WDR59: variants seen among roughly 807,000 people sequenced by gnomAD.
The protein encoded by WDR59 is GATOR2 complex protein WDR59.
Under a neutral mutation model 131.2 loss-of-function variants are expected in WDR59, and 100 were observed. The ratio of observed to expected loss-of-function variants is 0.76; its 90% confidence interval spans 0.65 to 0.90. The LOEUF (loss-of-function observed/expected upper bound fraction) is 0.90, where lower values mean the gene tolerates loss of function less well. Ranked by LOEUF, WDR59 falls within the 40% of genes least tolerant of loss-of-function variation. The probability of loss-of-function intolerance (pLI) is 0.00; values close to 1 mark genes in which losing one functional copy is unlikely to be tolerated. For missense variants in WDR59, 1,203 were observed against 1,262.2 expected, an observed-to-expected ratio of 0.95 and a Z score of 0.71; for synonymous variants, 601 against 466.2, an observed-to-expected ratio of 1.29 and a Z score of -3.72.
chr16:74,916,534 G>A (rs1966395479), intron 11 of WDR59, among the ~76,000 whole-genome samples: 1 of 152,160 alleles, frequency 6.6e-6, no homozygotes, highest in Non-Finnish European at 1.5e-5. Context: ...TCCAAGCTTT[G>A]ATGGAGTTAT....
chr16:74,872,220 G>A lies in WDR59; in HGVS notation c.*1989C>T, dbSNP rs975309879. 2.6e-5 allele frequency: 4 copies of A among 152,136 alleles called. No homozygotes were observed. Among genetic ancestry groups the A allele is most frequent in the South Asian group, 2.1e-4 (1 of 4,822 alleles). The allele number at this position is 152,136 out of a possible 1,614,324, so 9.4% of individuals were successfully genotyped here. On this transcript the variant is annotated 3_prime_UTR_variant, in exon 26 of 26. Coordinates refer to ENST00000262144, the MANE Select transcript of WDR59 (RefSeq NM_030581.4). The stretch of plus-strand genomic sequence containing the variant: ...GATCAATGTCACAATCCACTAATGG[G>A]TCCTGACCTGGAGTTTGAAACACAT...
At chr16:74,951,647 G>C in intron 3 of WDR59, 104 bp from the exon 4 acceptor site, 1 of 943,788 alleles carries the variant, frequency 1.1e-6, no homozygotes, top group Non-Finnish European at 1.7e-6. Flanking sequence ...CTCATGCATG[G>C]CAAAGATCCT....
chr16:74,911,550 G>A (rs1050461450), intron 14 of WDR59, among the ~76,000 whole-genome samples: 4 of 152,150 alleles, frequency 2.6e-5, no homozygotes, highest in African/African-American at 9.7e-5. Context: ...GATTTGCTCT[G>A]GATGAACTGA....
rs192979849 is a variant in WDR59, at chr16:74,925,574, G to C, written c.652-1571C>G. On this transcript the variant is annotated intron_variant, in intron 8 of 25. Transcript: ENST00000262144. ...AAAAAAAAAAAAGCATTCTCAGAAA[G>C]ACCAAATTATAGTGATGGGGAACAG... 3.1e-3 allele frequency among the ~76,000 whole-genome samples: 456 copies of C among 145,534 alleles called. 7 individuals are homozygous for C. Among genetic ancestry groups the C allele is most frequent in the Admixed American group, 0.03 (433 of 14,408 alleles).
At chr16:74,889,020 A>T (rs1964911649) in intron 21 of WDR59, among the ~76,000 whole-genome samples, 1 of 152,232 alleles carries the variant, frequency 6.6e-6, no homozygotes, top group Non-Finnish European at 1.5e-5. Flanking sequence ...TGAGTCTTAC[A>T]CGAAATAAGT....
rs1964644428 is a variant in WDR59, at chr16:74,884,126, AC to A, written c.2689+1526del. On this transcript the variant is annotated intron_variant, in intron 25 of 25. Coordinates refer to ENST00000262144, the MANE Select transcript of WDR59 (RefSeq NM_030581.4). ...GAGTCTAGCTCTAAAATATATTTTA[AC>A]CCATCCATCATCTCTCTCCAACTCT... 4.6e-5 allele frequency among the ~76,000 whole-genome samples: 7 copies of A among 152,276 alleles called. No homozygotes were observed. The South Asian group carries it at 1.4e-3, about 32-fold the overall frequency.
At chr16:74,947,174 C>T (rs1218703908) in intron 6 of WDR59, among the ~76,000 whole-genome samples, 7 of 152,108 alleles carry the variant, frequency 4.6e-5, no homozygotes, top group Admixed American at 4.6e-4. Flanking sequence ...ATGGGCCAGT[C>T]GCGATGGCTC....
At chr16:74,945,341 G>A (rs1008496556) in intron 6 of WDR59, among the ~76,000 whole-genome samples, 15 of 151,702 alleles carry the variant, frequency 9.9e-5, no homozygotes, top group Admixed American at 9.2e-4. Context: ...GCCGGGCATG[G>A]TGGCGGGCGC....
rs1164121829 is a variant in WDR59, at chr16:74,874,202, T to C, written c.*7A>G. 1.9e-6 allele frequency: 3 copies of C among 1,611,586 alleles called. No individual in the cohort carries two copies. The highest frequency in any genetic ancestry group is 1.7e-6 in the Non-Finnish European group (2 of 1,178,334). On this transcript the variant is annotated 3_prime_UTR_variant, in exon 26 of 26. Transcript: ENST00000262144. ...GGGATTTCAGACAATACCCAACTTC[T>C]GTAGGTTCAGAAAGTGCTTTCAAGC... is the stretch of plus-strand genomic sequence containing the variant.
At chr16:74,893,623 G>A in intron 19 of WDR59, 56 bp downstream of exon 19, 2 of 1,483,504 alleles carry the variant, frequency 1.3e-6, no homozygotes, top group South Asian at 1.4e-5. Flanking sequence ...AAAAAAAAAA[G>A]TTTTGCTAAT....
At chr16:74,967,745 GCTA>G (rs2033830546) in intron 1 of WDR59, among the ~76,000 whole-genome samples, 1 of 151,718 alleles carries the variant, frequency 6.6e-6, no homozygotes, top group Admixed American at 6.6e-5. Flanking sequence ...TGTAATCCCA[GCTA>G]CTCAGGAGGC....
At chr16:74,969,682 G>C (rs886223927) in intron 1 of WDR59, among the ~76,000 whole-genome samples, 1 of 151,690 alleles carries the variant, frequency 6.6e-6, no homozygotes, top group African/African-American at 2.4e-5. Flanking sequence ...TGATTCTCCT[G>C]CCTCAGCCTC....
intron 2 of WDR59, among the ~76,000 whole-genome samples, chr16:74,960,876 C>T (rs969048459): frequency 3.3e-5 from 5 of 151,554 alleles, no homozygotes; most frequent in Non-Finnish European, 5.9e-5. Context: ...ATTTGAAGGA[C>T]CTTCCAAGGT....
At chr16:74,875,536 T>C (rs1487605201) in intron 25 of WDR59, among the ~76,000 whole-genome samples, 1 of 152,128 alleles carries the variant, frequency 6.6e-6, no homozygotes, top group Admixed American at 6.6e-5. Flanking sequence ...ACCCCAGTTC[T>C]TAGATGATCC....
rs1252812326 is a variant in WDR59 at position 74,886,252 on chromosome 16, A to G, written c.2546+18T>C. The G allele has an allele frequency of 1.3e-6, 2 of 1,596,378 alleles. No individual in the cohort carries two copies. Among genetic ancestry groups the G allele is most frequent in the South Asian group, 1.1e-5 (1 of 90,860 alleles). ...CTGGAGTCCTGGCATTGCAGCTCTC[A>G]CCTGGGAGGGTGGTTACCTTTTATT... On this transcript the variant is annotated intron_variant, in intron 24 of 25. Coordinates refer to ENST00000262144, the MANE Select transcript of WDR59 (RefSeq NM_030581.4).
At chr16:74,882,091 C>G (rs1472486664) in intron 25 of WDR59, among the ~76,000 whole-genome samples, 1 of 152,016 alleles carries the variant, frequency 6.6e-6, no homozygotes, top group Non-Finnish European at 1.5e-5. Flanking sequence ...CTTGACCCAC[C>G]AAACCACACT....
chr16:74,901,362 G>A (rs1274569393), intron 18 of WDR59, among the ~76,000 whole-genome samples: 1 of 151,854 alleles, frequency 6.6e-6, no homozygotes. Flanking sequence ...GCTCTCAGGG[G>A]CAGAGATCTA....
At chr16:74,967,096 T>C (rs965526549) in intron 1 of WDR59, among the ~76,000 whole-genome samples, 3 of 152,176 alleles carry the variant, frequency 2.0e-5, no homozygotes. Context: ...AAATCACAAA[T>C]GGTAAGCACC....
chr16:74,880,718 T>C (rs1465230313), intron 25 of WDR59, among the ~76,000 whole-genome samples: 5 of 152,214 alleles, frequency 3.3e-5, no homozygotes, highest in African/African-American at 4.8e-5. Context: ...GAATCATTCT[T>C]GGGTCCTAAC....
Sources: gnomAD v4.1 joint callset for allele counts (sites outside exome capture counted in the v4.1 genomes callset) on GRCh38, gnomAD v4.1.1 for gene constraint, MANE v1.5 for transcripts, NCBI Gene and HGNC (gene_info 2026-07-23, HGNC 2026-07-21) for gene names.